UQCRFS1: variants seen among roughly 807,000 people sequenced by gnomAD.
UQCRFS1 encodes the protein cytochrome b-c1 complex subunit Rieske, mitochondrial.
In UQCRFS1, 6 loss-of-function variants were observed where a neutral mutation model predicts 15.6. The ratio of observed to expected loss-of-function variants is 0.38; its 90% CI spans 0.21 to 0.76. The LOEUF (loss-of-function observed/expected upper bound fraction) is 0.76, where lower values mean the gene tolerates loss of function less well. Among genes scored for constraint, UQCRFS1 ranks in the 30% least tolerant of loss-of-function variants. UQCRFS1 has a pLI of 0.44. For synonymous variants in UQCRFS1, 105 were observed against 154.3 expected, an observed-to-expected ratio of 0.68 and a Z score of 2.37; for missense variants, 203 against 366.7, an observed-to-expected ratio of 0.55 and a Z score of 3.65.
chr19:29,208,233 C>T, intron 1 of UQCRFS1, 75 bp from the exon 2 acceptor site: 1 of 1,498,898 alleles, frequency 6.7e-7, no homozygotes, highest in Non-Finnish European at 8.8e-7. Context: ...GGAAATAGCC[C>T]TTTATGGATT....
intron 1 of UQCRFS1, among the ~76,000 whole-genome samples, chr19:29,208,396 T>C (rs1053835891): frequency 3.9e-5 from 6 of 152,240 alleles, no homozygotes; most frequent in Non-Finnish European, 8.8e-5. Context: ...AAGATACTAT[T>C]TGTAAATTGA....
At chr19:29,208,625 T>C (rs922504971) in intron 1 of UQCRFS1, among the ~76,000 whole-genome samples, 12 of 152,242 alleles carry the variant, frequency 7.9e-5, no homozygotes, top group African/African-American at 2.2e-4. Context: ...AGTTGACGTG[T>C]GATCACCTTA....
At chr19:29,212,687 C>T (rs1169484653) in intron 1 of UQCRFS1, among the ~76,000 whole-genome samples, 2 of 152,172 alleles carry the variant, frequency 1.3e-5, no homozygotes, top group Non-Finnish European at 2.9e-5. Flanking sequence ...CTCGTGAACT[C>T]GGCCGAGGAG....
In UQCRFS1 at chr19:29,207,882, T is replaced by C; in HGVS notation, c.491A>G (p.Asn164Ser). Residue 164 changes from asparagine to serine, a missense_variant, in exon 2 of 2, where the codon AAC becomes AGC. Physicochemically the swap from Asn to Ser is conservative, Grantham distance 46 (BLOSUM62 1). This residue lies in a region of UQCRFS1 where 91 missense variants were observed against 186.9 expected (regional missense o/e 0.49). Coordinates refer to ENST00000304863, the MANE Select transcript of UQCRFS1 (RefSeq NM_006003.3). ...TTTGCCTCTCCATTTGAAAGCCATG[T>C]TCTTGCCTTCTGGAATATCGGATAA... ...IKLSDIPEGK[N>S]MAFKWRGKPL... is the part of the protein sequence containing the mutation. The C allele has an allele frequency of 6.2e-7, 1 of 1,614,022 alleles. No individual in the cohort carries two copies. The highest frequency in any genetic ancestry group is 1.1e-5 in the South Asian group (1 of 91,076).
intron 1 of UQCRFS1, 80 bp downstream of exon 1, chr19:29,212,825 G>A: frequency 7.6e-7 from 1 of 1,312,346 alleles, no homozygotes; most frequent in Non-Finnish European, 9.7e-7. Context: ...TCGCGCGCCC[G>A]CGGCCGCTCC....
chr19:29,207,804 A>G lies in UQCRFS1; in HGVS notation c.569T>C (p.Val190Ala), dbSNP rs754286461. 1 of 1,614,012 alleles carries G rather than the reference A, an allele frequency of 6.2e-7. No individual in the cohort carries two copies. Among genetic ancestry groups the G allele is most frequent in the Non-Finnish European group, 8.5e-7 (1 of 1,179,878 alleles). ...TGGGTCCCTCAACTGTGATAATTCA[A>G]CTGCAGCTTCCTGCTCAATTTCCTT... ...TQKEIEQEAA[V>A]ELSQLRDPQH... is the part of the protein sequence containing the mutation. The change falls in exon 2 of 2, where the codon GTT becomes GCT. Residue 190 changes from valine (V) to alanine (A), a missense_variant. Physicochemically the swap from Val to Ala is moderately conservative, Grantham distance 64. Around this residue, in one of 3 missense-constraint regions of UQCRFS1, gnomAD observed 91 missense variants for 186.9 expected, o/e 0.49. Coordinates refer to ENST00000304863, the MANE Select transcript of UQCRFS1 (RefSeq NM_006003.3).
In UQCRFS1 at chr19:29,212,918, G is replaced by A. The variant is rs1015980174; in HGVS notation, c.201C>T (p.Ser67=). The A allele has an allele frequency of 3.5e-6, 5 of 1,421,040 alleles. No individual in the cohort carries two copies. Among genetic ancestry groups the A allele is most frequent in the Non-Finnish European group, 3.6e-6 (4 of 1,099,838 alleles). The allele number at this position is 1,421,040 out of a possible 1,614,324, so 88.0% of individuals were successfully genotyped here. The change falls in exon 1 of 2, where the codon TCC becomes TCT. Residue 67 remains serine, a synonymous_variant. Transcript: ENST00000304863. ...GCCCCGGCTCACCATTGAGGCCCAC[G>A]GAGGCGACCAAAGGCCGGCGCACGG... ...GQAVRRPLVA[S]VGLNVPASVC...
At chr19:29,212,460 A>T (rs1271222689) in intron 1 of UQCRFS1, among the ~76,000 whole-genome samples, 1 of 151,954 alleles carries the variant, frequency 6.6e-6, no homozygotes, top group Non-Finnish European at 1.5e-5. Flanking sequence ...CAACTTCCCA[A>T]ATATTAGTAA....
chr19:29,209,494 T>C (rs549329698), intron 1 of UQCRFS1, among the ~76,000 whole-genome samples: 1 of 152,248 alleles, frequency 6.6e-6, no homozygotes, highest in South Asian at 2.1e-4. Flanking sequence ...AAGCCAGAAG[T>C]ATTCAAACAA....
intron 1 of UQCRFS1, among the ~76,000 whole-genome samples, chr19:29,212,040 G>A (rs1976658212): frequency 6.6e-6 from 1 of 152,162 alleles, no homozygotes; most frequent in African/African-American, 2.4e-5. Flanking sequence ...AGTCTTCCCA[G>A]TTTTTTTGAA....
At chr19:29,209,982 C>T (rs917804547) in intron 1 of UQCRFS1, among the ~76,000 whole-genome samples, 1 of 152,116 alleles carries the variant, frequency 6.6e-6, no homozygotes, top group African/African-American at 2.4e-5. Flanking sequence ...TTGCAAAAAT[C>T]ATTCTCCAAA....
intron 1 of UQCRFS1, among the ~76,000 whole-genome samples, 163 bp from the exon 2 acceptor site, chr19:29,208,321 T>C (rs1214185427): frequency 6.6e-6 from 1 of 152,210 alleles, no homozygotes; most frequent in African/African-American, 2.4e-5. Flanking sequence ...TTGGCGGTGC[T>C]AGCATATAAA....
At chr19:29,209,237 T>G (rs1976621676) in intron 1 of UQCRFS1, among the ~76,000 whole-genome samples, 1 of 152,192 alleles carries the variant, frequency 6.6e-6, no homozygotes, top group African/African-American at 2.4e-5. Context: ...AATTGTATAT[T>G]CATCTTAAGA....
chr19:29,209,454 AC>A lies in UQCRFS1; in HGVS notation c.215-1297del, dbSNP rs1976623208. ...ATATGGAATACCTGAACTGCTTTTC[AC>A]ATGATTCTCAAGGTCAATAACTTTA... On this transcript the variant is annotated intron_variant, in intron 1 of 1. Transcript: ENST00000304863. 2.0e-5 allele frequency among the ~76,000 whole-genome samples: 3 copies of A among 152,310 alleles called. No homozygotes were observed. The South Asian group carries it at 6.2e-4, about 32-fold the overall frequency.
chr19:29,207,356 C>T lies in UQCRFS1; in HGVS notation c.*192G>A. ...TATGACTGAGCATAACAGTGCTTAA[C>T]AGTGTCTTTATTAAGTGAATGCCTG... On this transcript the variant is annotated 3_prime_UTR_variant, in exon 2 of 2. Transcript: ENST00000304863. 1.4e-6 allele frequency: 1 copy of T among 736,370 alleles called. No homozygotes were observed. Among genetic ancestry groups the T allele is most frequent in the African/African-American group, 1.8e-5 (1 of 56,300 alleles). The allele number at this position is 736,370 out of a possible 1,614,324, so 45.6% of individuals were successfully genotyped here. A position where few individuals can be genotyped will look rare whatever the true frequency, so the allele number is the denominator to read the frequency against.
chr19:29,213,150 A>G lies in UQCRFS1; in HGVS notation c.-32T>C, dbSNP rs1163380763. ...AGCCGCTCCAACCGCCAAGCCGGTC[A>G]CAGGGACGACCTTCCAACCACGGCG... On this transcript the variant is annotated 5_prime_UTR_variant, in exon 1 of 2. Coordinates refer to ENST00000304863, the MANE Select transcript of UQCRFS1 (RefSeq NM_006003.3). 3 of 1,517,648 alleles carry G rather than the reference A, an allele frequency of 2.0e-6. No homozygotes were observed. The highest frequency in any genetic ancestry group is 2.6e-6 in the Non-Finnish European group (3 of 1,137,942). The allele number at this position is 1,517,648 out of a possible 1,614,324, so 94.0% of individuals were successfully genotyped here.
At chr19:29,210,228 C>A (rs1976630695) in intron 1 of UQCRFS1, among the ~76,000 whole-genome samples, 1 of 152,178 alleles carries the variant, frequency 6.6e-6, no homozygotes, top group South Asian at 2.1e-4. Context: ...GCCATCCTGC[C>A]ATGAACCATC....
rs975729757 is a variant in UQCRFS1 at position 29,212,946 on chromosome 19, T to C, written c.173A>G (p.Gln58Arg). The change falls in exon 1 of 2, where the codon CAG (glutamine) becomes CGG (arginine). Residue 58 changes from glutamine (Q) to arginine (R), a missense_variant. Coordinates refer to ENST00000304863, the MANE Select transcript of UQCRFS1 (RefSeq NM_006003.3). ...GGCGACCAAAGGCCGGCGCACGGCCTGGCCGCTCAGCGACTCCCGGCTGAG... is the reference window on the plus strand; with the variant it reads ...GGCGACCAAAGGCCGGCGCACGGCCCGGCCGCTCAGCGACTCCCGGCTGAG... The part of the protein sequence containing the change: ...PFLSRESLSG[Q>R]AVRRPLVASV... 3 of 1,404,072 alleles carry C rather than the reference T, an allele frequency of 2.1e-6. No individual in the cohort carries two copies. The highest frequency in any genetic ancestry group is 2.7e-6 in the Non-Finnish European group (3 of 1,093,082). The allele number at this position is 1,404,072 out of a possible 1,614,324, so 87.0% of individuals were successfully genotyped here.
At chr19:29,208,687 T>C (rs1464866910) in intron 1 of UQCRFS1, among the ~76,000 whole-genome samples, 3 of 152,182 alleles carry the variant, frequency 2.0e-5, no homozygotes, top group Admixed American at 1.3e-4. Flanking sequence ...CGGAAAAAAC[T>C]GTTAATTCAT....
Sources: allele counts gnomAD v4.1 joint callset (sites outside exome capture counted in the v4.1 genomes callset), GRCh38; gene constraint gnomAD v4.1.1; regional missense constraint gnomAD v4.1.1; transcripts MANE v1.5; gene names NCBI Gene and HGNC (gene_info 2026-07-23, HGNC 2026-07-21).